HERC4: variants seen among roughly 807,000 people sequenced by gnomAD.
HERC4 encodes HECT and RLD domain containing E3 ubiquitin protein ligase 4.
A neutral mutation model predicts 124.3 loss-of-function variants in HERC4; 28 were observed. That is an observed-to-expected ratio of 0.23 (90% CI 0.17 to 0.31). HERC4 has a LOEUF of 0.31. Among genes scored for constraint, HERC4 ranks in the 10% least tolerant of loss-of-function variants. HERC4 has a pLI of 1.00. For missense variants in HERC4, 713 were observed against 1,229.3 expected, an observed-to-expected ratio of 0.58 and a Z score of 6.28; for synonymous variants, 407 against 421.5, an observed-to-expected ratio of 0.97 and a Z score of 0.42.
intron 9 of HERC4, among the ~76,000 whole-genome samples, chr10:67,997,607 T>C (rs1472044983): frequency 1.3e-5 from 2 of 152,190 alleles, no homozygotes; most frequent in Non-Finnish European, 2.9e-5. Context: ...TAACCCTGAG[T>C]ACCTCAGAAT....
chr10:68,073,032 C>T lies in HERC4; in HGVS notation c.77G>A (p.Arg26Lys). 1 of 1,613,978 alleles carries T rather than the reference C, an allele frequency of 6.2e-7. No homozygotes were observed. The highest frequency in any genetic ancestry group is 8.5e-7 in the Non-Finnish European group (1 of 1,179,940). The change falls in exon 3 of 25, where the codon AGA (arginine) becomes AAA (lysine). Residue 26 changes from arginine to lysine, a missense_variant. Physicochemically the swap from Arg to Lys is conservative, Grantham distance 26 (BLOSUM62 2). Transcript: ENST00000373700. ...TTTATTTATAAAGAAGTCACTTTTTCTGGGCTCTAGTACAATTTCTTCATC... is the reference window on the plus strand; with the variant it reads ...TTTATTTATAAAGAAGTCACTTTTTTTGGGCTCTAGTACAATTTCTTCATC... The part of the protein sequence containing the change: ...GIDEEIVLEP[R>K]KSDFFINKRV...
chr10:68,003,320 CCTGA>C (rs1245182921), intron 9 of HERC4, among the ~76,000 whole-genome samples: 6 of 140,152 alleles, frequency 4.3e-5, no homozygotes, highest in East Asian at 4.1e-4. Context: ...TGCCACCATG[CCTGA>C]CTAATTTTTT....
At chr10:67,986,003 G>A (rs1289460885) in intron 15 of HERC4, among the ~76,000 whole-genome samples, 2 of 152,154 alleles carry the variant, frequency 1.3e-5, no homozygotes, top group African/African-American at 4.8e-5. Context: ...CAGATACAAG[G>A]TGTCTTTGAA....
At chr10:68,007,567 T>C (rs190995310) in intron 9 of HERC4, among the ~76,000 whole-genome samples, 1 of 152,306 alleles carries the variant, frequency 6.6e-6, no homozygotes, top group East Asian at 1.9e-4. Flanking sequence ...ATTCTATCCT[T>C]TGCAGTCCGT....
chr10:68,039,562 T>C, intron 4 of HERC4: 1 of 1,536,020 alleles, frequency 6.5e-7, no homozygotes. Context: ...AAAAATATTT[T>C]TATTTAGTGA....
In HERC4 at chr10:67,922,298, TGTA is replaced by T. The variant is rs918406693; in HGVS notation, c.*630_*632del. ...TCACAAAGAAAAGAACTGCAGGTTA[TGTA>T]GTATATTCCCTATCTGTGATTTAGG... On this transcript the variant is annotated 3_prime_UTR_variant, in exon 25 of 25. Coordinates refer to ENST00000373700, the MANE Select transcript of HERC4 (RefSeq NM_015601.4). 2 of 152,178 alleles carry T rather than the reference TGTA, an allele frequency of 1.3e-5. No homozygotes were observed. Among genetic ancestry groups the T allele is most frequent in the African/African-American group, 4.8e-5 (2 of 41,454 alleles). 9.4% of individuals were successfully genotyped at this position (152,178 alleles called of 1,614,324 possible).
intron 3 of HERC4, among the ~76,000 whole-genome samples, chr10:68,059,874 A>T (rs1358856148): frequency 2.8e-5 from 2 of 71,648 alleles, no homozygotes; most frequent in African/African-American, 1.5e-4. Context: ...ATATATTATA[A>T]TAATATTATA....
At chr10:67,944,301 T>C (rs1368686853) in intron 19 of HERC4, among the ~76,000 whole-genome samples, 2 of 152,340 alleles carry the variant, frequency 1.3e-5, no homozygotes, top group East Asian at 3.9e-4. Flanking sequence ...AGTCTCTGCC[T>C]GATAATCCAG....
At chr10:68,037,938 T>C (rs1184433189) in intron 5 of HERC4, among the ~76,000 whole-genome samples, 155 bp downstream of exon 5, 1 of 152,048 alleles carries the variant, frequency 6.6e-6, no homozygotes, top group Non-Finnish European at 1.5e-5. Flanking sequence ...GTGTACAGAC[T>C]GACAAGCTAA....
chr10:68,010,544 C>T (rs892181025), intron 9 of HERC4: 22 of 993,000 alleles, frequency 2.2e-5, no homozygotes, highest in Non-Finnish European at 3.3e-5. Context: ...TCAGGCGCTG[C>T]AGGAACACAT....
chr10:67,960,910 C>G (rs2034474176), intron 16 of HERC4: 1 of 302,370 alleles, frequency 3.3e-6, no homozygotes. Context: ...TTTATCTTTT[C>G]CAATGTTTAT....
intron 8 of HERC4, among the ~76,000 whole-genome samples, chr10:68,016,226 C>T (rs2038256598): frequency 6.6e-6 from 1 of 152,228 alleles, no homozygotes; most frequent in South Asian, 2.1e-4. Context: ...CATTATACTA[C>T]TGGAATGTAA....
In HERC4 at chr10:68,010,248, G is replaced by C. The variant is rs61216768; in HGVS notation, c.1069+3778C>G. On this transcript the variant is annotated intron_variant, in intron 9 of 24. Transcript: ENST00000373700. ...GAGCCCAGAGTGGCGACAGAAACAG[G>C]GGGAAAGGCACTAAGGAACACAGTG... 2,103 of 1,031,954 alleles carry C rather than the reference G, an allele frequency of 2.0e-3. 27 individuals are homozygous for C. The African/African-American group carries it at 0.029, about 14-fold the overall frequency. 63.9% of individuals were successfully genotyped at this position (1,031,954 alleles called of 1,614,324 possible). A position where few individuals can be genotyped will look rare whatever the true frequency, so the allele number is the denominator to read the frequency against.
At chr10:68,069,418 T>C in intron 3 of HERC4, 1 of 985,166 alleles carries the variant, frequency 1.0e-6, no homozygotes, top group Non-Finnish European at 1.2e-6. Flanking sequence ...GACATACATA[T>C]ACAAGACAAC....
intron 8 of HERC4, among the ~76,000 whole-genome samples, chr10:68,021,850 G>GA (rs149202490): frequency 0.03 from 4,432 of 148,416 alleles, 225 homozygotes; most frequent in African/African-American, 0.1. Flanking sequence ...AAATTGGAAA[G>GA]AAAAAAAAAA....
At chr10:68,023,289 C>G (rs1343859148) in intron 8 of HERC4, among the ~76,000 whole-genome samples, 3 of 152,058 alleles carry the variant, frequency 2.0e-5, no homozygotes, top group Admixed American at 2.0e-4. Flanking sequence ...CAAAAGTAAC[C>G]CAAGTGTCCA....
At chr10:67,974,407 T>A in intron 15 of HERC4, among the ~76,000 whole-genome samples, 1 of 152,204 alleles carries the variant, frequency 6.6e-6, no homozygotes, top group East Asian at 1.9e-4. Context: ...AACTTTCCTT[T>A]GAAGAATAAC....
At chr10:67,975,616 C>T (rs2035539070) in intron 15 of HERC4, among the ~76,000 whole-genome samples, 1 of 152,174 alleles carries the variant, frequency 6.6e-6, no homozygotes, top group South Asian at 2.1e-4. Context: ...TCCCAAAGTG[C>T]TGGGATTACA....
Position 67,966,550 on chromosome 10 carries a change from GTTA to G in HERC4, c.1926+130_1926+132del, listed in dbSNP as rs926333249. On this transcript the variant is annotated intron_variant, in intron 16 of 24. Transcript: ENST00000373700. ...AATATATAGCACTCCTTTGCAATGTGTTATTATTTAAAAAGTAAGTTCTGGATA... is the reference window on the plus strand; with the variant it reads ...AATATATAGCACTCCTTTGCAATGTGTTATTTAAAAAGTAAGTTCTGGATA... 4 of 760,740 alleles carry G rather than the reference GTTA, an allele frequency of 5.3e-6. No individual in the cohort carries two copies. The African/African-American group carries it at 5.4e-5, about 10-fold the overall frequency. The allele number at this position is 760,740 out of a possible 1,614,324, so 47.1% of individuals were successfully genotyped here.
Sources: gnomAD v4.1 joint callset for allele counts (sites outside exome capture counted in the v4.1 genomes callset) on GRCh38, gnomAD v4.1.1 for gene constraint, MANE v1.5 for transcripts, NCBI Gene and HGNC (gene_info 2026-07-23, HGNC 2026-07-21) for gene names.